PRDM15: variants seen among roughly 807,000 people sequenced by gnomAD.
The protein encoded by PRDM15 is PR/SET domain 15, also known as PR domain zinc finger protein 15.
In PRDM15, 64 loss-of-function variants were observed where a neutral mutation model predicts 128.6. The ratio of observed to expected loss-of-function variants is 0.50; its 90% CI spans 0.41 to 0.61. The LOEUF is 0.61. Among genes scored for constraint, PRDM15 ranks in the 20% least tolerant of loss-of-function variants. The pLI is 0.00. For missense variants in PRDM15, 1,242 were observed against 1,569.1 expected, an observed-to-expected ratio of 0.79 and a Z score of 3.52; for synonymous variants, 615 against 621.8, an observed-to-expected ratio of 0.99 and a Z score of 0.16.
At position 41,801,064 on chromosome 21, in the gene PRDM15, G is replaced by A; in HGVS notation, c.*176C>T. 1.1e-6 allele frequency: 1 copy of A among 915,480 alleles called. No homozygotes were observed. The highest frequency in any genetic ancestry group is 1.7e-5 in the African/African-American group (1 of 60,556). 56.7% of individuals were successfully genotyped at this position (915,480 alleles called of 1,614,324 possible). A position where few individuals can be genotyped will look rare whatever the true frequency, so the allele number is the denominator to read the frequency against. On this transcript the variant is annotated 3_prime_UTR_variant, in exon 24 of 24. Transcript: ENST00000398548. ...TGGCCTGCCAGAGGTCCCTTCTAGA[G>A]TTAAGCTGACAGACCGTAATGGTTG...
intron 1 of PRDM15, among the ~76,000 whole-genome samples, chr21:41,873,566 T>C (rs956610793): frequency 1.3e-5 from 2 of 152,236 alleles, no homozygotes; most frequent in Non-Finnish European, 2.9e-5. Context: ...CCTGCTTTGA[T>C]GCTGTGCACT....
rs574002377 is a variant in PRDM15 at position 41,869,537 on chromosome 21, C to T, written c.-9-9165G>A. On this transcript the variant is annotated intron_variant, in intron 1 of 23. Transcript: ENST00000398548. ...TCTCGGCTCACCACAACCTCCGCCT[C>T]CCAGGTTCAAGTGATTCTCCTGCCT... Among the ~76,000 whole-genome samples, 7 of 151,896 alleles carry T rather than the reference C, an allele frequency of 4.6e-5. No homozygotes were observed. In the East Asian group the frequency reaches 1.4e-3, roughly 30 times the overall value.
chr21:41,803,066 C>T, intron 22 of PRDM15, 145 bp from the exon 23 acceptor site: 1 of 692,556 alleles, frequency 1.4e-6, no homozygotes, highest in Non-Finnish European at 2.6e-6. Flanking sequence ...AAACAGTGAC[C>T]ACAGCTGGGT....
intron 1 of PRDM15, among the ~76,000 whole-genome samples, chr21:41,875,252 C>T (rs935828281): frequency 7.2e-5 from 11 of 152,274 alleles, no homozygotes; most frequent in Non-Finnish European, 1.5e-4. Flanking sequence ...CTACCTAGAC[C>T]TCCGTCCCTC....
intron 11 of PRDM15, 119 bp downstream of exon 11, chr21:41,835,318 G>T: frequency 1.2e-6 from 1 of 810,822 alleles, no homozygotes; most frequent in Non-Finnish European, 2.1e-6. Context: ...AATGTTAAAA[G>T]TGAGGCTGTC....
chr21:41,878,992 G>T, intron 1 of PRDM15: 7 of 1,003,698 alleles, frequency 7.0e-6, no homozygotes, highest in Non-Finnish European at 8.4e-6. Context: ...CGCGGCGGCG[G>T]GACCCGGCGG....
intron 11 of PRDM15, among the ~76,000 whole-genome samples, chr21:41,833,428 C>T (rs925603129): frequency 1.3e-5 from 2 of 152,348 alleles, no homozygotes; most frequent in Admixed American, 1.3e-4. Context: ...ACTGCTTGGG[C>T]CTCCAGTGCC....
chr21:41,846,960 A>G (rs2063284384), intron 6 of PRDM15, 130 bp downstream of exon 6: 1 of 646,212 alleles, frequency 1.5e-6, no homozygotes, highest in South Asian at 1.9e-5. Flanking sequence ...TGGCGACTAC[A>G]TTGTGGGGCA....
intron 4 of PRDM15, among the ~76,000 whole-genome samples, chr21:41,855,132 G>T (rs954729796): frequency 6.6e-6 from 1 of 152,146 alleles, no homozygotes; most frequent in Non-Finnish European, 1.5e-5. Context: ...AGGTTCTAGT[G>T]GGCATGGGGA....
At chr21:41,842,269 C>T (rs1265518728) in intron 6 of PRDM15, among the ~76,000 whole-genome samples, 1 of 152,152 alleles carries the variant, frequency 6.6e-6, no homozygotes, top group Non-Finnish European at 1.5e-5. Flanking sequence ...CACCTATTAT[C>T]ACCTTTCCAT....
Position 41,846,527 on chromosome 21 carries a change from T to A in PRDM15, c.640+563A>T, listed in dbSNP as rs190796158. Among the ~76,000 whole-genome samples, 429 of 152,302 alleles carry A rather than the reference T, an allele frequency of 2.8e-3. 2 individuals carry two copies. Among genetic ancestry groups the A allele is most frequent in the African/African-American group, 0.01 (417 of 41,572 alleles). On this transcript the variant is annotated intron_variant, in intron 6 of 23. Transcript: ENST00000398548. ...GAGCCAGCCTGGGTGAAACCCTGTC[T>A]CTACAATAAATATACAGAAGTTTGC...
chr21:41,874,502 CATATATATAT>C (rs756151491), intron 1 of PRDM15, among the ~76,000 whole-genome samples: 3 of 118,670 alleles, frequency 2.5e-5, no homozygotes, highest in East Asian at 2.3e-4. Context: ...AAGCAGCATG[CATATATATAT>C]ATATATATAT....
At chr21:41,815,661 C>T (rs774051777) in intron 19 of PRDM15, 44 bp downstream of exon 19, 7 of 1,606,356 alleles carry the variant, frequency 4.4e-6, no homozygotes, top group Non-Finnish European at 5.1e-6. Flanking sequence ...GGCTTCCCTA[C>T]ACAGTGAGCG....
chr21:41,854,570 G>C lies in PRDM15; in HGVS notation c.534C>G (p.Val178=), dbSNP rs774882702. The change falls in exon 5 of 24, where the codon GTC becomes GTG. Residue 178 remains valine, a synonymous_variant. Coordinates refer to ENST00000398548, the MANE Select transcript of PRDM15 (RefSeq NM_001040424.3). This position sits in a 1 kb window ranked among gnomAD's most constrained non-coding sequence, Gnocchi z 4.6. ...KPMLKQAGSG[V]HAAGTPENSA... ...GGATCGGGGGCCGCCACATACCGTG[G>C]ACGCCAGAGCCGGCCTGCTTCAGCA... The C allele has an allele frequency of 5.1e-5, 83 of 1,612,830 alleles. No homozygotes were observed. The highest frequency in any genetic ancestry group is 6.4e-5 in the Non-Finnish European group (76 of 1,179,964).
chr21:41,811,248 AAGG>A lies in PRDM15; in HGVS notation c.2393-415_2393-413del, dbSNP rs2061853594. ...GGTAACTGAAATCAGGACCAATGGC[AAGG>A]AGGACACAGACGAGCCAAGCGTAAA... On this transcript the variant is annotated intron_variant, in intron 19 of 23. Transcript: ENST00000398548. This position sits in a 1 kb window ranked among gnomAD's most constrained non-coding sequence, Gnocchi z 4.1. 5.3e-6 allele frequency: 1 copy of A among 187,830 alleles called. No homozygotes were observed. The allele number at this position is 187,830 out of a possible 1,614,324, so 11.6% of individuals were successfully genotyped here.
chr21:41,851,329 T>C (rs1336042073), intron 5 of PRDM15, among the ~76,000 whole-genome samples: 3 of 152,244 alleles, frequency 2.0e-5, no homozygotes, highest in Non-Finnish European at 4.4e-5. Context: ...GGTCTTGTTA[T>C]CTATCGAGAT....
chr21:41,870,985 G>A (rs1411860015), intron 1 of PRDM15: 1 of 152,610 alleles, frequency 6.6e-6, no homozygotes, highest in Non-Finnish European at 1.5e-5. Context: ...CCTTTCAGTT[G>A]GCACAACTTC....
rs1372002780 is a variant in PRDM15 at position 41,800,689 on chromosome 21, C to G, written c.*551G>C. 1.3e-5 allele frequency: 2 copies of G among 152,328 alleles called. No individual in the cohort carries two copies. The highest frequency in any genetic ancestry group is 4.8e-5 in the African/African-American group (2 of 41,420). 9.4% of individuals were successfully genotyped at this position (152,328 alleles called of 1,614,324 possible). On this transcript the variant is annotated 3_prime_UTR_variant, in exon 24 of 24. Coordinates refer to ENST00000398548, the MANE Select transcript of PRDM15 (RefSeq NM_001040424.3). ...GTTTCAGCCCATAGTTGTATAAGAA[C>G]CGACTCCACTCCTAGTTCAAAGAGA...
intron 1 of PRDM15, chr21:41,877,237 T>G (rs1041134352): frequency 1.3e-5 from 2 of 148,576 alleles, no homozygotes; most frequent in Non-Finnish European, 3.0e-5. Context: ...CTGCCTGCCC[T>G]CCTTCCTTTC....
Sources: gnomAD v4.1 joint callset for allele counts (sites outside exome capture counted in the v4.1 genomes callset) on GRCh38, gnomAD v4.1.1 for gene constraint, Gnocchi (gnomAD v3.1) non-coding constraint, MANE v1.5 for transcripts, NCBI Gene and HGNC (gene_info 2026-07-23, HGNC 2026-07-21) for gene names.